Variants in GLO1 observed in about 807,000 individuals in gnomAD.
The protein encoded by GLO1 is glyoxalase I.
A neutral mutation model predicts 26.0 loss-of-function variants in GLO1; 28 were observed. The ratio of observed to expected loss-of-function variants is 1.08; its 90% CI spans 0.80 to 1.48. The LOEUF is 1.48. Ranked by LOEUF, GLO1 falls within the 40% of genes most tolerant of loss-of-function variation. The pLI is 0.00. For missense variants in GLO1, 225 were observed against 224.8 expected, an observed-to-expected ratio of 1.00 and a Z score of -0.01; for synonymous variants, 78 against 77.6, an observed-to-expected ratio of 1.00 and a Z score of -0.03.
At position 38,703,043 on chromosome 6, in the gene GLO1, C is replaced by T; in HGVS notation, c.12G>A (p.Pro4=). 1 of 1,584,440 alleles carries T rather than the reference C, an allele frequency of 6.3e-7. No homozygotes were observed. The highest frequency in any genetic ancestry group is 8.6e-7 in the Non-Finnish European group (1 of 1,158,302). Residue 4 remains proline, a synonymous_variant, in exon 1 of 6, where the codon CCG becomes CCA. Coordinates refer to ENST00000373365, the MANE Select transcript of GLO1 (RefSeq NM_006708.3). The part of the protein sequence containing the change: MAE[P]QPPSGGLTDE... ...CCGTGAGGCCGCCGGACGGGGGCTG[C>T]GGTTCTGCCATGGCTGCGCTGCAGT...
rs142451043 is a variant in GLO1 at position 38,686,862 on chromosome 6, C to T, written c.167+30G>A. ...AGATTTGCAAAGCTATATATTTAAACATTAAGGTGCCAATAAGTACTTGAC... is the reference window on the plus strand; with the variant it reads ...AGATTTGCAAAGCTATATATTTAAATATTAAGGTGCCAATAAGTACTTGAC... On this transcript the variant is annotated intron_variant, in intron 2 of 5. Coordinates refer to ENST00000373365, the MANE Select transcript of GLO1 (RefSeq NM_006708.3). 511 of 1,160,972 alleles carry T rather than the reference C, an allele frequency of 4.4e-4. 1 individual carries two copies. The African/African-American group carries it at 6.5e-3, about 15-fold the overall frequency. 71.9% of individuals were successfully genotyped at this position (1,160,972 alleles called of 1,614,324 possible).
At chr6:38,695,740 T>C (rs1213986522) in intron 1 of GLO1, among the ~76,000 whole-genome samples, 1 of 152,150 alleles carries the variant, frequency 6.6e-6, no homozygotes, top group Non-Finnish European at 1.5e-5. Flanking sequence ...GTTTTCTCTA[T>C]GGAGTTTAGT....
intron 1 of GLO1, among the ~76,000 whole-genome samples, chr6:38,699,182 G>A (rs1761655864): frequency 6.6e-6 from 1 of 152,182 alleles, no homozygotes; most frequent in African/African-American, 2.4e-5. Flanking sequence ...CCCGAATGGA[G>A]GGACCAGCTG....
chr6:38,703,114 C>T lies in GLO1; in HGVS notation c.-60G>A. ...AGGAACGGAGGAGTCACCCACACTA[C>T]GCCTCGGCCCTGTGCCGCCTTAACT... On this transcript the variant is annotated 5_prime_UTR_variant, in exon 1 of 6. Transcript: ENST00000373365. 3.1e-6 allele frequency: 3 copies of T among 978,664 alleles called. No homozygotes were observed. Among genetic ancestry groups the T allele is most frequent in the Non-Finnish European group, 4.7e-6 (3 of 634,308 alleles). 60.6% of individuals were successfully genotyped at this position (978,664 alleles called of 1,614,324 possible).
At position 38,682,010 on chromosome 6, in the gene GLO1, AC is replaced by A; in HGVS notation, c.466+1del. ...CCTGAACACAGTAAGTAGTAGACTC[AC>A]CATCATCAGGTTTCTTCACAAATTT... On this transcript the variant is annotated splice_donor_variant, in intron 5 of 5. Transcript: ENST00000373365. LOFTEE classifies it high-confidence loss of function. The A allele has an allele frequency of 7.0e-7, 1 of 1,430,346 alleles. No homozygotes were observed. Among genetic ancestry groups the A allele is most frequent in the Non-Finnish European group, 9.9e-7 (1 of 1,012,130 alleles). The allele number at this position is 1,430,346 out of a possible 1,614,324, so 88.6% of individuals were successfully genotyped here.
At chr6:38,693,519 G>A (rs1761559629) in intron 1 of GLO1, among the ~76,000 whole-genome samples, 2 of 151,692 alleles carry the variant, frequency 1.3e-5, no homozygotes, top group South Asian at 2.1e-4. Context: ...GGTTTACTTT[G>A]CTTTTCATTT....
chr6:38,690,065 C>T (rs569488890), intron 1 of GLO1, among the ~76,000 whole-genome samples: 77 of 152,186 alleles, frequency 5.1e-4, no homozygotes, highest in African/African-American at 1.7e-3. Context: ...CCTCGTGATC[C>T]GCCTGCCTTG....
rs141134518 is a variant in GLO1 at position 38,698,342 on chromosome 6, T to C, written c.84+4629A>G. Reference sequence around the variant, plus strand: ...GCCATTTATCTGGCCATTGTCCTTCTTCCTTCCTCCTTTCCATTCCCTATT... The same window carrying C: ...GCCATTTATCTGGCCATTGTCCTTCCTCCTTCCTCCTTTCCATTCCCTATT... On this transcript the variant is annotated intron_variant, in intron 1 of 5. Coordinates refer to ENST00000373365, the MANE Select transcript of GLO1 (RefSeq NM_006708.3). Among the ~76,000 whole-genome samples, 686 of 151,684 alleles carry C rather than the reference T, an allele frequency of 4.5e-3. 9 individuals are homozygous for C. Among genetic ancestry groups the C allele is most frequent in the African/African-American group, 0.016 (663 of 41,414 alleles).
chr6:38,680,714 A>C (rs547062718), intron 5 of GLO1, among the ~76,000 whole-genome samples: 72 of 152,318 alleles, frequency 4.7e-4, no homozygotes, highest in African/African-American at 1.7e-3. Flanking sequence ...ACATAGCAGG[A>C]ACTCATCTCT....
chr6:38,680,446 A>T (rs886182176), intron 5 of GLO1, among the ~76,000 whole-genome samples: 1 of 152,196 alleles, frequency 6.6e-6, no homozygotes, highest in Non-Finnish European at 1.5e-5. Context: ...ACTTGAACCC[A>T]GGAGGCAGAG....
At chr6:38,682,266 T>G (rs996961075) in intron 4 of GLO1, among the ~76,000 whole-genome samples, 165 bp from the exon 5 acceptor site, 1 of 152,166 alleles carries the variant, frequency 6.6e-6, no homozygotes, top group Non-Finnish European at 1.5e-5. Context: ...AGAACAAATA[T>G]AGATCTAATG....
chr6:38,702,868 G>A (rs1322432349), intron 1 of GLO1, 103 bp downstream of exon 1: 2 of 674,442 alleles, frequency 3.0e-6, no homozygotes, highest in East Asian at 5.6e-5. Flanking sequence ...GTCCGCCCGA[G>A]GCCGGCGGAC....
intron 1 of GLO1, among the ~76,000 whole-genome samples, chr6:38,689,771 C>T (rs900130847): frequency 6.6e-6 from 1 of 151,852 alleles, no homozygotes; most frequent in Non-Finnish European, 1.5e-5. Flanking sequence ...CATGGTGAAA[C>T]CCCGTCTCTA....
At chr6:38,685,364 T>C (rs1245440261) in intron 2 of GLO1, among the ~76,000 whole-genome samples, 1 of 152,198 alleles carries the variant, frequency 6.6e-6, no homozygotes, top group African/African-American at 2.4e-5. Context: ...TTAAGAAAGA[T>C]AACTGAAGTC....
chr6:38,696,324 T>C (rs1761610556), intron 1 of GLO1, among the ~76,000 whole-genome samples: 1 of 151,500 alleles, frequency 6.6e-6, no homozygotes, highest in Admixed American at 6.6e-5. Flanking sequence ...TAGAGAGCTT[T>C]GTAAGAGGTT....
At chr6:38,695,966 T>A (rs1295023686) in intron 1 of GLO1, among the ~76,000 whole-genome samples, 1 of 152,200 alleles carries the variant, frequency 6.6e-6, no homozygotes, top group Non-Finnish European at 1.5e-5. Context: ...TCCTAGGGTC[T>A]CAAGGTCCCT....
Position 38,699,276 on chromosome 6 carries a change from T to C in GLO1, c.84+3695A>G, listed in dbSNP as rs573491582. ...GTTCCCAAATAATACTTTTATAATT[T>C]CTTATGCCTGTCTTTAATCTCTTAA... On this transcript the variant is annotated intron_variant, in intron 1 of 5. Coordinates refer to ENST00000373365, the MANE Select transcript of GLO1 (RefSeq NM_006708.3). 2.6e-5 allele frequency among the ~76,000 whole-genome samples: 4 copies of C among 152,366 alleles called. No homozygotes were observed. The East Asian group carries it at 7.7e-4, about 29-fold the overall frequency.
At chr6:38,701,348 A>G (rs1389896754) in intron 1 of GLO1, among the ~76,000 whole-genome samples, 1 of 131,810 alleles carries the variant, frequency 7.6e-6, no homozygotes, top group Admixed American at 7.6e-5. Context: ...AGCTATTATT[A>G]TGTATTCCAT....
rs1170645548 is a variant in GLO1 at position 38,693,685 on chromosome 6, CTATA to C, written c.85-6715_85-6712del. Reference sequence around the variant, plus strand: ...TCTCTCTCTCTCTCTCTCTCTCTCTCTATATATATATATATATATATTTGTTTTG... The same window carrying C: ...TCTCTCTCTCTCTCTCTCTCTCTCTCTATATATATATATATATTTGTTTTG... On this transcript the variant is annotated intron_variant, in intron 1 of 5. Coordinates refer to ENST00000373365, the MANE Select transcript of GLO1 (RefSeq NM_006708.3). 4.7e-3 allele frequency among the ~76,000 whole-genome samples: 410 copies of C among 86,406 alleles called. 5 individuals carry two copies. Among genetic ancestry groups the C allele is most frequent in the East Asian group, 0.012 (41 of 3,396 alleles). The allele number at this position is 86,406 out of a possible 152,430, so 56.7% of individuals were successfully genotyped here. A position where few individuals can be genotyped will look rare whatever the true frequency, so the allele number is the denominator to read the frequency against.
Sources: gnomAD v4.1 joint callset for allele counts (sites outside exome capture counted in the v4.1 genomes callset) on GRCh38, gnomAD v4.1.1 for gene constraint, MANE v1.5 for transcripts, NCBI Gene and HGNC (gene_info 2026-07-23, HGNC 2026-07-21) for gene names.